ESF1: variants seen among roughly 807,000 people sequenced by gnomAD.
ESF1 encodes ESF1 homolog.
Under a neutral mutation model 92.0 loss-of-function variants are expected in ESF1, and 58 were observed. The observed-to-expected ratio is 0.63, with a 90% CI of 0.51 to 0.78. ESF1 has a LOEUF of 0.78. Among genes scored for constraint, ESF1 ranks in the 30% least tolerant of loss-of-function variants. The pLI is 0.00. For synonymous variants in ESF1, 321 were observed against 313.7 expected, an observed-to-expected ratio of 1.02 and a Z score of -0.24; for missense variants, 922 against 989.1, an observed-to-expected ratio of 0.93 and a Z score of 0.91.
intron 9 of ESF1, among the ~76,000 whole-genome samples, chr20:13,747,502 T>C (rs1316457849): frequency 1.3e-5 from 2 of 150,772 alleles, no homozygotes; most frequent in Non-Finnish European, 3.0e-5. Flanking sequence ...GAGGTGGAGG[T>C]TGCAGTGAGC....
rs1334356223 is a variant in ESF1, at chr20:13,770,007, T to C, written c.1418A>G (p.Asp473Gly). The C allele has an allele frequency of 5.6e-6, 9 of 1,606,346 alleles. No individual in the cohort carries two copies. The highest frequency in any genetic ancestry group is 7.6e-6 in the Non-Finnish European group (9 of 1,176,516). ...SFIDLRFIPD[D>G]ITFDDEPKDV... ...CTTAGGCTCATCATCAAAAGTAATATCATCTGGTATAAACCTAAGAAGTAA... is the reference window on the plus strand; with the variant it reads ...CTTAGGCTCATCATCAAAAGTAATACCATCTGGTATAAACCTAAGAAGTAA... Residue 473 changes from aspartate (D) to glycine (G), a missense_variant, in exon 7 of 14, where the codon GAT (aspartate) becomes GGT (glycine). Coordinates refer to ENST00000617257, the MANE Select transcript of ESF1 (RefSeq NM_001276380.2).
At chr20:13,777,296 G>A (rs6134969) in intron 2 of ESF1, among the ~76,000 whole-genome samples, 9,514 of 152,222 alleles carry the variant, frequency 0.063, 479 homozygotes, top group East Asian at 0.18. Flanking sequence ...GGGAGTTTTG[G>A]AAGTGTCAAA....
chr20:13,720,441 T>C (rs1401226020), intron 11 of ESF1, among the ~76,000 whole-genome samples: 1 of 152,184 alleles, frequency 6.6e-6, no homozygotes, highest in Non-Finnish European at 1.5e-5. Context: ...CTATGAAGTA[T>C]GCTTGCCAAA....
At chr20:13,715,876 A>G (rs578020924) in intron 13 of ESF1, among the ~76,000 whole-genome samples, 1 of 152,340 alleles carries the variant, frequency 6.6e-6, no homozygotes, top group Admixed American at 6.5e-5. Context: ...TTACTTAGTT[A>G]TCACGAGGCC....
chr20:13,747,847 C>T (rs1441098706), intron 9 of ESF1, among the ~76,000 whole-genome samples: 1 of 152,108 alleles, frequency 6.6e-6, no homozygotes, highest in Non-Finnish European at 1.5e-5. Flanking sequence ...ATAGAGTATA[C>T]TTATACAAAC....
At chr20:13,718,128 T>C (rs1233331073) in intron 12 of ESF1, among the ~76,000 whole-genome samples, 3 of 152,218 alleles carry the variant, frequency 2.0e-5, no homozygotes, top group African/African-American at 7.2e-5. Flanking sequence ...CCATGTACAC[T>C]AGTAAAAATA....
chr20:13,736,180 T>A (rs6033811), intron 9 of ESF1, among the ~76,000 whole-genome samples: 4,301 of 152,244 alleles, frequency 0.028, 210 homozygotes, highest in African/African-American at 0.099. Context: ...TTGGACCAGA[T>A]AATTCTTTGT....
intron 3 of ESF1, among the ~76,000 whole-genome samples, 173 bp downstream of exon 3, chr20:13,775,700 T>C (rs766928208): frequency 3.3e-5 from 5 of 152,204 alleles, no homozygotes; most frequent in Non-Finnish European, 7.4e-5. Context: ...TCTTCTTATC[T>C]GCTTGGACGT....
At chr20:13,724,008 A>T (rs1280514317) in intron 11 of ESF1, among the ~76,000 whole-genome samples, 7 of 152,210 alleles carry the variant, frequency 4.6e-5, no homozygotes, top group Non-Finnish European at 1.5e-5. Flanking sequence ...AAAAATTACA[A>T]ACTGGCTGGG....
intron 2 of ESF1, among the ~76,000 whole-genome samples, chr20:13,779,669 G>A (rs1980093624): frequency 6.6e-6 from 1 of 152,158 alleles, no homozygotes; most frequent in Non-Finnish European, 1.5e-5. Context: ...CAAGTAGCTG[G>A]GATTACAGGT....
At chr20:13,771,228 C>G in intron 6 of ESF1, 103 bp downstream of exon 6, 1 of 1,159,648 alleles carries the variant, frequency 8.6e-7, no homozygotes, top group East Asian at 2.4e-5. Context: ...GCAAAAAAAT[C>G]ATTTTAGAAT....
intron 10 of ESF1, among the ~76,000 whole-genome samples, chr20:13,732,903 CTTATTTATTTATTTAT>C (rs59748081): frequency 3.7e-4 from 54 of 147,438 alleles, no homozygotes; most frequent in East Asian, 1.0e-3. Context: ...AGGAAATACT[CTTATTTATTTATTTAT>C]TTATTTATTT....
chr20:13,759,860 A>T lies in ESF1; in HGVS notation c.1667-7T>A, dbSNP rs1212884236. 6.4e-7 allele frequency: 1 copy of T among 1,568,124 alleles called. No individual in the cohort carries two copies. The highest frequency in any genetic ancestry group is 2.0e-5 in the Admixed American group (1 of 50,404). On this transcript the variant is annotated splice_polypyrimidine_tract_variant and splice_region_variant and intron_variant, in intron 8 of 13. Coordinates refer to ENST00000617257, the MANE Select transcript of ESF1 (RefSeq NM_001276380.2). ...ACATTGACTCCATCATCACCTAATG[A>T]AAAAAAAATTCACTTAATACACAGA...
intron 10 of ESF1, 100 bp downstream of exon 10, chr20:13,733,621 G>T: frequency 7.9e-7 from 1 of 1,263,086 alleles, no homozygotes. Flanking sequence ...GCCTACTTCA[G>T]TGAGTGGTTA....
intron 2 of ESF1, among the ~76,000 whole-genome samples, chr20:13,777,447 A>T (rs895669253): frequency 3.3e-5 from 5 of 152,208 alleles, no homozygotes; most frequent in South Asian, 4.1e-4. Context: ...ACGAAGTGCC[A>T]CTCAGTCATC....
intron 11 of ESF1, among the ~76,000 whole-genome samples, chr20:13,719,981 C>T (rs931565825): frequency 6.6e-6 from 1 of 152,122 alleles, no homozygotes; most frequent in Non-Finnish European, 1.5e-5. Flanking sequence ...TAAAGTGGTT[C>T]CTGACTGGAA....
chr20:13,773,822 G>A (rs147162664), intron 4 of ESF1, among the ~76,000 whole-genome samples: 314 of 152,210 alleles, frequency 2.1e-3, no homozygotes, highest in African/African-American at 6.8e-3. Context: ...TAGGCCAGGC[G>A]CGGTGGCTCA....
At chr20:13,744,427 G>A (rs983095030) in intron 9 of ESF1, among the ~76,000 whole-genome samples, 5 of 152,056 alleles carry the variant, frequency 3.3e-5, no homozygotes, top group African/African-American at 1.2e-4. Flanking sequence ...TAGTAACCAG[G>A]GAAATGCCTA....
chr20:13,750,574 G>A (rs2147752147), intron 9 of ESF1, among the ~76,000 whole-genome samples: 1 of 152,298 alleles, frequency 6.6e-6, no homozygotes, highest in South Asian at 2.1e-4. Context: ...TCCAAAACCT[G>A]AACCTATGGT....
Sources: gnomAD v4.1 joint callset for allele counts (sites outside exome capture counted in the v4.1 genomes callset) on GRCh38, gnomAD v4.1.1 for gene constraint, MANE v1.5 for transcripts, NCBI Gene and HGNC (gene_info 2026-07-23, HGNC 2026-07-21) for gene names.